Variants in PPHLN1 observed in about 807,000 individuals in gnomAD.
PPHLN1 encodes the protein periphilin 1.
In PPHLN1, 29 loss-of-function variants were observed where a neutral mutation model predicts 51.3. That is an observed-to-expected ratio of 0.57 (90% confidence interval 0.42 to 0.77). PPHLN1 has a LOEUF of 0.77. PPHLN1 is among the 30% of genes least tolerant of loss of function. The pLI, the probability that PPHLN1 is intolerant of heterozygous loss-of-function variation, is 0.00. For missense variants in PPHLN1, 436 were observed against 438.4 expected (o/e 0.99, Z 0.05); for synonymous variants, 147 against 147.8 (o/e 0.99, Z 0.04).
chr12:42,397,764 T>TCTGGA (rs1322652509), intron 8 of PPHLN1, among the ~76,000 whole-genome samples: 1 of 152,168 alleles, frequency 6.6e-6, no homozygotes, highest in Non-Finnish European at 1.5e-5. Context: ...TGAGACAGTG[T>TCTGGA]CTGGCTCTGT....
At chr12:42,347,613 C>T (rs1565777945) in intron 2 of PPHLN1, among the ~76,000 whole-genome samples, 1 of 152,098 alleles carries the variant, frequency 6.6e-6, no homozygotes. Flanking sequence ...AATCCTGTCT[C>T]TACTAAAAAT....
chr12:42,353,952 C>A (rs2073724314), intron 3 of PPHLN1, among the ~76,000 whole-genome samples: 1 of 152,070 alleles, frequency 6.6e-6, no homozygotes, highest in African/African-American at 2.4e-5. Flanking sequence ...AAACAAACAA[C>A]AAGCATACTT....
chr12:42,446,299 C>G, downstream of PPHLN1: 2 of 1,562,682 alleles, frequency 1.3e-6, no homozygotes, highest in Non-Finnish European at 1.7e-6. Context: ...AGGTATTGGT[C>G]CTTTTTATTC....
intron 5 of PPHLN1, 165 bp downstream of exon 5, chr12:42,375,239 C>A: frequency 4.2e-6 from 2 of 473,442 alleles, no homozygotes; most frequent in Non-Finnish European, 3.7e-6. Flanking sequence ...AAACACCATA[C>A]ACACACATTT....
chr12:42,443,674 C>T (rs926477999), downstream of PPHLN1: 49 of 152,298 alleles, frequency 3.2e-4, 1 homozygote, highest in African/African-American at 1.2e-3. Context: ...GGAATTTGCC[C>T]ATTTTCGTCA....
At chr12:42,445,690 A>G, downstream of PPHLN1, 1 of 282,366 alleles carries the variant, frequency 3.5e-6, no homozygotes, top group Non-Finnish European at 6.6e-6. Flanking sequence ...CCCCAAGGAC[A>G]GGCCGTAGTA....
At chr12:42,360,110 C>CAAAAAAAAAAA (rs10643805) in intron 4 of PPHLN1, among the ~76,000 whole-genome samples, 11 of 123,126 alleles carry the variant, frequency 8.9e-5, no homozygotes, top group Middle Eastern at 3.8e-3. Context: ...GACTCCATCT[C>CAAAAAAAAAAA]AAAAAAAAAA....
At chr12:42,372,600 C>T (rs2075903824) in intron 4 of PPHLN1, among the ~76,000 whole-genome samples, 1 of 152,102 alleles carries the variant, frequency 6.6e-6, no homozygotes, top group Admixed American at 6.6e-5. Flanking sequence ...TTCGACAGCC[C>T]ATTTCTCTCT....
At position 42,374,438 on chromosome 12, in the gene PPHLN1, A is replaced by AG. The variant is rs1171710054; in HGVS notation, c.300-425_300-424insG. Among the ~76,000 whole-genome samples the AG allele has an allele frequency of 5.8e-4, 6 of 10,384 alleles. No homozygotes were observed. The South Asian group carries it at 0.17, about 288-fold the overall frequency. 6.8% of individuals were successfully genotyped at this position (10,384 alleles called of 152,430 possible). On this transcript the variant is annotated intron_variant, in intron 4 of 9. Transcript: ENST00000358314. ...GATAGAAAAAGAGAACCAAGAGTAC[A>AG]AATTTTTTTTTCTTTATTTTTGAGA...
At chr12:42,366,201 C>G (rs899481456) in intron 4 of PPHLN1, among the ~76,000 whole-genome samples, 1 of 149,178 alleles carries the variant, frequency 6.7e-6, no homozygotes, top group African/African-American at 2.5e-5. Flanking sequence ...GTGGTTTTTA[C>G]AGCTAACCAC....
At chr12:42,446,075 C>CCCCCGCAGG (rs904338303), downstream of PPHLN1, 84 of 1,549,642 alleles carry the variant, frequency 5.4e-5, no homozygotes, top group Non-Finnish European at 6.8e-5. Context: ...GGCCCCGCAG[C>CCCCCGCAGG]CCCCGCAGGC....
chr12:42,440,581 A>T (rs2082857903), intron 9 of PPHLN1, among the ~76,000 whole-genome samples: 1 of 152,240 alleles, frequency 6.6e-6, no homozygotes, highest in Non-Finnish European at 1.5e-5. Flanking sequence ...ATAATATATA[A>T]AGTTCAAAAC....
intron 5 of PPHLN1, among the ~76,000 whole-genome samples, chr12:42,380,902 A>G (rs1221592741): frequency 6.6e-6 from 1 of 152,184 alleles, no homozygotes; most frequent in African/African-American, 2.4e-5. Flanking sequence ...ACAAACATAT[A>G]TTGAACATAA....
In PPHLN1 at chr12:42,354,500, G is replaced by A. The variant is rs940842235; in HGVS notation, c.238-661G>A. ...GCTGGAATTACAGGCGTGAGCCACT[G>A]CGCCTGGCCAATTCTGTGTGTAATT... is the stretch of plus-strand genomic sequence containing the variant. On this transcript the variant is annotated intron_variant, in intron 3 of 9. Coordinates refer to ENST00000358314, the MANE Select transcript of PPHLN1 (RefSeq NM_201439.2). 4.6e-5 allele frequency among the ~76,000 whole-genome samples: 7 copies of A among 152,282 alleles called. No homozygotes were observed. In the East Asian group the frequency reaches 9.6e-4, roughly 21 times the overall value.
chr12:42,415,742 T>C (rs973065967), intron 9 of PPHLN1, among the ~76,000 whole-genome samples: 4 of 152,228 alleles, frequency 2.6e-5, no homozygotes, highest in Non-Finnish European at 4.4e-5. Context: ...TTTTTGACTT[T>C]TAAAAGAATG....
chr12:42,429,804 C>T (rs1183230030), intron 9 of PPHLN1, among the ~76,000 whole-genome samples: 1 of 152,184 alleles, frequency 6.6e-6, no homozygotes, highest in African/African-American at 2.4e-5. Context: ...AGATGCAAAG[C>T]TCATCCTCCA....
intron 5 of PPHLN1, among the ~76,000 whole-genome samples, chr12:42,378,535 A>C (rs1284853639): frequency 6.6e-6 from 1 of 152,132 alleles, no homozygotes; most frequent in Non-Finnish European, 1.5e-5. Context: ...AATTTTGAAA[A>C]AGACGTAAAA....
chr12:42,344,016 A>G (rs2071893864), intron 2 of PPHLN1: 3 of 314,358 alleles, frequency 9.5e-6, no homozygotes, highest in Non-Finnish European at 1.8e-5. Flanking sequence ...AGCCTGTGTA[A>G]TAGAATATTT....
At chr12:42,437,569 A>G (rs574554735) in intron 9 of PPHLN1, among the ~76,000 whole-genome samples, 2 of 152,166 alleles carry the variant, frequency 1.3e-5, no homozygotes, top group Non-Finnish European at 2.9e-5. Flanking sequence ...AACCTGCAAG[A>G]GCATAGAGAG....
Sources: allele counts gnomAD v4.1 joint callset (sites outside exome capture counted in the v4.1 genomes callset), GRCh38; gene constraint gnomAD v4.1.1; transcripts MANE v1.5; gene names NCBI Gene and HGNC (gene_info 2026-07-23, HGNC 2026-07-21).